Variants in IL17B observed in about 807,000 individuals in gnomAD.
The protein encoded by IL17B is interleukin 17B.
A neutral mutation model predicts 14.7 loss-of-function variants in IL17B; 14 were observed. The observed-to-expected ratio is 0.95, with a 90% CI of 0.63 to 1.49. The LOEUF is 1.49. Among genes scored for constraint, IL17B ranks in the 40% most tolerant of loss-of-function variants. The pLI, the probability that IL17B is intolerant of heterozygous loss-of-function variation, is 0.00. For missense variants in IL17B, 233 were observed against 252.8 expected, an observed-to-expected ratio of 0.92 and a Z score of 0.53; for synonymous variants, 105 against 94.8, an observed-to-expected ratio of 1.11 and a Z score of -0.62.
intron 1 of IL17B, among the ~76,000 whole-genome samples, chr5:149,398,155 A>G (rs1286925079): frequency 6.6e-6 from 1 of 152,250 alleles, no homozygotes; most frequent in East Asian, 1.9e-4. Flanking sequence ...ACACATCTCC[A>G]GAAACCATAT....
chr5:149,379,745 C>G (rs1442813401), upstream of IL17B, among the ~76,000 whole-genome samples: 1 of 152,166 alleles, frequency 6.6e-6, no homozygotes, highest in Non-Finnish European at 1.5e-5. Context: ...CTCTGCCGGC[C>G]TCAGGTGAGT....
At chr5:149,393,594 C>T (rs1229789772) in intron 1 of IL17B, among the ~76,000 whole-genome samples, 1 of 152,190 alleles carries the variant, frequency 6.6e-6, no homozygotes, top group Non-Finnish European at 1.5e-5. Flanking sequence ...CACTGTCTTC[C>T]TTATAGTGTA....
At chr5:149,392,165 C>T (rs896929720) in intron 1 of IL17B, among the ~76,000 whole-genome samples, 7 of 152,266 alleles carry the variant, frequency 4.6e-5, no homozygotes, top group African/African-American at 1.7e-4. Context: ...CTCTTCTACG[C>T]CTTTGTCCAA....
At chr5:149,401,339 A>G (rs1203765721) in intron 1 of IL17B, among the ~76,000 whole-genome samples, 1 of 152,186 alleles carries the variant, frequency 6.6e-6, no homozygotes, top group Admixed American at 6.5e-5. Flanking sequence ...TAAATTTTCA[A>G]TTTTTCACAG....
chr5:149,376,833 G>A lies in IL17B; in HGVS notation c.214C>T (p.Gln72Ter). The change falls in exon 2 of 3, where the codon CAG becomes TAG. Residue 72 changes from glutamine (Q) to a stop codon, truncating the protein, a stop_gained. Coordinates refer to ENST00000261796, the MANE Select transcript of IL17B (RefSeq NM_014443.3). LOFTEE classifies it high-confidence loss of function. ...YERNIEEMVA[Q>*]LRNSSELAQR... is the part of the protein sequence containing the mutation. ...GCCAGCTCTGAGCTGTTCCTCAGCT[G>A]GGCCACCATCTCCTCGATGTTCCTC... is the stretch of plus-strand genomic sequence containing the variant. 6.2e-7 allele frequency: 1 copy of A among 1,614,156 alleles called. No homozygotes were observed. Among genetic ancestry groups the A allele is most frequent in the Non-Finnish European group, 8.5e-7 (1 of 1,180,010 alleles).
At position 149,384,979 on chromosome 5, in the gene IL17B, G is replaced by A. The variant is rs1306483971; in HGVS notation, n.96-7954C>T. On this transcript the variant is annotated intron_variant and non_coding_transcript_variant, in intron 1 of 2. Coordinates refer to the IL17B transcript ENST00000505432. ...GCTGGAGTGCAGTGGCATGATCTCA[G>A]CTCACTGCAGCCTCCGCCTCCCAGG... 2.0e-5 allele frequency among the ~76,000 whole-genome samples: 3 copies of A among 150,064 alleles called. No individual in the cohort carries two copies. In the East Asian group the frequency reaches 6.0e-4, roughly 30 times the overall value.
At chr5:149,391,662 G>T (rs920812516) in intron 1 of IL17B, among the ~76,000 whole-genome samples, 1 of 152,152 alleles carries the variant, frequency 6.6e-6, no homozygotes, top group Non-Finnish European at 1.5e-5. Flanking sequence ...CATCTCTCAA[G>T]TGTCATTCCT....
upstream of IL17B, among the ~76,000 whole-genome samples, chr5:149,382,449 AATAGCTGC>A (rs1393473393): frequency 6.6e-6 from 1 of 152,238 alleles, no homozygotes; most frequent in African/African-American, 2.4e-5. Context: ...CAGTAACAAT[AATAGCTGC>A]TACTTAATAT....
chr5:149,386,699 G>A (rs1032797174), intron 1 of IL17B, among the ~76,000 whole-genome samples: 30 of 152,196 alleles, frequency 2.0e-4, no homozygotes, highest in African/African-American at 7.2e-4. Flanking sequence ...CTATGTGCCA[G>A]GCACTGGGGA....
At chr5:149,401,472 A>C (rs1167915590) in intron 1 of IL17B, among the ~76,000 whole-genome samples, 2 of 152,220 alleles carry the variant, frequency 1.3e-5, no homozygotes, top group Non-Finnish European at 2.9e-5. Context: ...TGGGAGGCTG[A>C]GGCGGGTGGA....
In IL17B at chr5:149,395,650, T is replaced by C. The variant is rs76465692; in HGVS notation, n.95+8458A>G. Reference sequence around the variant, plus strand: ...AAGGAATGCCAATGCAGTCAAATGATGCATTTTTATTTTTTTATTATTTTT... The same window carrying C: ...AAGGAATGCCAATGCAGTCAAATGACGCATTTTTATTTTTTTATTATTTTT... On this transcript the variant is annotated intron_variant and non_coding_transcript_variant, in intron 1 of 2. Coordinates refer to the IL17B transcript ENST00000505432. 2.8e-4 allele frequency among the ~76,000 whole-genome samples: 42 copies of C among 152,320 alleles called. No homozygotes were observed. The East Asian group carries it at 7.9e-3, about 29-fold the overall frequency.
At chr5:149,401,687 G>A (rs557709409) in intron 1 of IL17B, among the ~76,000 whole-genome samples, 6 of 152,216 alleles carry the variant, frequency 3.9e-5, no homozygotes, top group East Asian at 1.9e-4. Flanking sequence ...CCCAGGAGGC[G>A]GAAGTTACAG....
chr5:149,388,841 G>A (rs1052749656), intron 1 of IL17B, among the ~76,000 whole-genome samples: 1 of 152,178 alleles, frequency 6.6e-6, no homozygotes, highest in Non-Finnish European at 1.5e-5. Context: ...GATCTGCAGA[G>A]GTCAAAAATC....
At chr5:149,392,172 C>T (rs954777966) in intron 1 of IL17B, among the ~76,000 whole-genome samples, 2 of 152,220 alleles carry the variant, frequency 1.3e-5, no homozygotes, top group Non-Finnish European at 2.9e-5. Flanking sequence ...ACGCCTTTGT[C>T]CAACAGAGGC....
Position 149,389,497 on chromosome 5 carries a change from G to A in IL17B, n.96-12472C>T, listed in dbSNP as rs184635379. ...GAAAACAGAAGTCCAGAGAGGAAAA[G>A]AGACTGATAGAGTGTCACACAGCAA... is the stretch of plus-strand genomic sequence containing the variant. On this transcript the variant is annotated intron_variant and non_coding_transcript_variant, in intron 1 of 2. Coordinates refer to the IL17B transcript ENST00000505432. Among the ~76,000 whole-genome samples, 19 of 152,392 alleles carry A rather than the reference G, an allele frequency of 1.2e-4. No individual in the cohort carries two copies. The East Asian group carries it at 2.3e-3, about 19-fold the overall frequency.
At chr5:149,390,257 G>A (rs1308530194) in intron 1 of IL17B, among the ~76,000 whole-genome samples, 1 of 150,352 alleles carries the variant, frequency 6.7e-6, no homozygotes, top group Admixed American at 6.8e-5. Flanking sequence ...TGGGTCAGGG[G>A]CCTGGCTCCA....
Position 149,376,921 on chromosome 5 carries a change from AGGGCCAG to A in IL17B, c.119_125del (p.Pro40LeufsTer12), listed in dbSNP as rs775409181. ...ACACCAGGTCCAGTGGCACCTGGTG[AGGGCCAG>A]GGGCCAGGGGCCCAGGCCGCCCTTG... is the stretch of plus-strand genomic sequence containing the variant. On this transcript the variant is annotated frameshift_variant, in exon 2 of 3. Transcript: ENST00000261796. LOFTEE classifies it high-confidence loss of function. The A allele has an allele frequency of 1.0e-4, 167 of 1,613,888 alleles. 3 individuals carry two copies. In the South Asian group the frequency reaches 1.5e-3, roughly 15 times the overall value.
chr5:149,378,234 G>T (rs980107037), intron 1 of IL17B, among the ~76,000 whole-genome samples: 1 of 152,150 alleles, frequency 6.6e-6, no homozygotes, highest in Admixed American at 6.5e-5. Flanking sequence ...CTGGGGAGAT[G>T]GGCAAGTTAT....
At chr5:149,401,077 T>C (rs568282153) in intron 1 of IL17B, among the ~76,000 whole-genome samples, 8 of 152,322 alleles carry the variant, frequency 5.3e-5, no homozygotes, top group East Asian at 3.9e-4. Flanking sequence ...CCCAATCAAA[T>C]TGATACATAA....
Sources: gnomAD v4.1 joint callset for allele counts (sites outside exome capture counted in the v4.1 genomes callset) on GRCh38, gnomAD v4.1.1 for gene constraint, MANE v1.5 for transcripts, NCBI Gene and HGNC (gene_info 2026-07-23, HGNC 2026-07-21) for gene names.